The following CTNNA2 variants were observed in gnomAD, a reference collection of about 807,000 sequenced individuals.
CTNNA2 encodes the protein catenin alpha 2, also known as catenin alpha-2.
In CTNNA2, 42 loss-of-function variants were observed where a neutral mutation model predicts 101.0. That is an observed-to-expected ratio of 0.42 (90% confidence interval 0.32 to 0.54). CTNNA2 has a LOEUF of 0.54. CTNNA2 is among the 20% of genes least tolerant of loss of function. The pLI, the probability that CTNNA2 is intolerant of heterozygous loss-of-function variation, is 0.14. For missense variants in CTNNA2, 871 were observed against 1,223.1 expected, an observed-to-expected ratio of 0.71 and a Z score of 4.29; for synonymous variants, 450 against 456.4, an observed-to-expected ratio of 0.99 and a Z score of 0.18.
intron 7 of CTNNA2, among the ~76,000 whole-genome samples, chr2:80,159,672 C>T (rs1387930025): frequency 2.0e-5 from 3 of 152,216 alleles, no homozygotes; most frequent in East Asian, 1.9e-4. Context: ...TGGGATTTCA[C>T]CATGTTGGTC....
At chr2:80,600,485 C>T (rs1008217222) in intron 15 of CTNNA2, among the ~76,000 whole-genome samples, 3 of 151,770 alleles carry the variant, frequency 2.0e-5, no homozygotes, top group Non-Finnish European at 4.4e-5. Context: ...ATCTGAAGAG[C>T]TTAGATAAGC....
At chr2:80,596,366 G>T (rs1210727590) in intron 15 of CTNNA2, among the ~76,000 whole-genome samples, 2 of 126,690 alleles carry the variant, frequency 1.6e-5, no homozygotes, top group Non-Finnish European at 3.1e-5. Flanking sequence ...CTGGAGTGCA[G>T]TGGCGTGATC....
chr2:79,679,570 G>A (rs1327841908), intron 2 of CTNNA2, among the ~76,000 whole-genome samples: 1 of 151,942 alleles, frequency 6.6e-6, no homozygotes, highest in Non-Finnish European at 1.5e-5. Context: ...CCATGCTGGA[G>A]CCCCTTTCCC....
At chr2:80,451,487 TC>T (rs1683501689) in intron 9 of CTNNA2, among the ~76,000 whole-genome samples, 1 of 152,164 alleles carries the variant, frequency 6.6e-6, no homozygotes, top group Non-Finnish European at 1.5e-5. Flanking sequence ...CTCAAGGAGT[TC>T]TTTATAGCAG....
chr2:79,187,233 TC>T (rs1164067026), intron 1 of CTNNA2, among the ~76,000 whole-genome samples: 1 of 148,182 alleles, frequency 6.7e-6, no homozygotes, highest in African/African-American at 2.5e-5. Context: ...CTAAGACACT[TC>T]TTTTTCTTTT....
At chr2:80,476,805 T>G (rs1394256468) in intron 9 of CTNNA2, among the ~76,000 whole-genome samples, 1 of 152,164 alleles carries the variant, frequency 6.6e-6, no homozygotes, top group Non-Finnish European at 1.5e-5. Flanking sequence ...GAAATACAGC[T>G]AATTACATGT....
rs1166796923 is a variant in CTNNA2 at position 80,546,048 on chromosome 2, T to A, written c.1525T>A (p.Phe509Ile). 1.2e-6 allele frequency: 2 copies of A among 1,613,858 alleles called. No homozygotes were observed. Among genetic ancestry groups the A allele is most frequent in the African/African-American group, 2.7e-5 (2 of 74,938 alleles). ...AVDDITSVDD[F>I]LSVSENHILE... is the part of the protein sequence containing the mutation. The stretch of plus-strand genomic sequence containing the variant: ...GGATGACATCACCTCAGTGGATGAC[T>A]TCCTCTCTGTCTCAGGTAATCATCA... Residue 509 changes from phenylalanine (F) to isoleucine (I), a missense_variant, in exon 11 of 19, where the codon TTC becomes ATC. Around this residue, in one of 5 missense-constraint regions of CTNNA2, gnomAD observed 647 missense variants for 831.5 expected, o/e 0.78. Transcript: ENST00000402739.
intron 7 of CTNNA2, among the ~76,000 whole-genome samples, chr2:80,013,710 G>A (rs749798101): frequency 2.6e-5 from 4 of 152,146 alleles, no homozygotes; most frequent in Admixed American, 6.5e-5. Context: ...TAGAATCTGC[G>A]GGGTGATGGG....
At chr2:80,120,776 G>T (rs972658578) in intron 7 of CTNNA2, among the ~76,000 whole-genome samples, 2 of 152,172 alleles carry the variant, frequency 1.3e-5, no homozygotes, top group African/African-American at 2.4e-5. Context: ...TCTTAAGGGC[G>T]TATACCTAGA....
At chr2:79,782,426 AG>A (rs1674519290) in intron 3 of CTNNA2, among the ~76,000 whole-genome samples, 3 of 151,988 alleles carry the variant, frequency 2.0e-5, no homozygotes, top group Non-Finnish European at 2.9e-5. Flanking sequence ...TAGTAGATAC[AG>A]GGTTTCATCA....
chr2:79,285,321 T>C (rs1489572080), intron 2 of CTNNA2, among the ~76,000 whole-genome samples: 4 of 150,616 alleles, frequency 2.7e-5, no homozygotes, highest in African/African-American at 9.7e-5. Context: ...GCTCTTGCTT[T>C]TCTAGTTCCT....
At chr2:79,870,025 A>G in intron 5 of CTNNA2, 90 bp downstream of exon 5, 1 of 1,476,074 alleles carries the variant, frequency 6.8e-7, no homozygotes, top group Non-Finnish European at 9.2e-7. Context: ...GATCAACTGC[A>G]TCTGCTTGCT....
intron 7 of CTNNA2, among the ~76,000 whole-genome samples, chr2:80,283,148 T>C (rs950591974): frequency 3.3e-5 from 5 of 152,008 alleles, no homozygotes; most frequent in Non-Finnish European, 7.4e-5. Flanking sequence ...AATCATCAAA[T>C]AAATTGCAAG....
intron 1 of CTNNA2, among the ~76,000 whole-genome samples, chr2:79,186,634 T>C (rs1218277989): frequency 6.6e-6 from 1 of 152,232 alleles, no homozygotes; most frequent in East Asian, 1.9e-4. Context: ...GCCATGAGGC[T>C]GATTCCTTTC....
At chr2:79,672,617 A>G (rs2104591594) in intron 2 of CTNNA2, among the ~76,000 whole-genome samples, 1 of 152,262 alleles carries the variant, frequency 6.6e-6, no homozygotes, top group South Asian at 2.1e-4. Flanking sequence ...TAAAAGTTGA[A>G]AATCAAAAAA....
At chr2:80,644,854 G>A (rs1673895490) in intron 18 of CTNNA2, among the ~76,000 whole-genome samples, 4 of 152,122 alleles carry the variant, frequency 2.6e-5, no homozygotes, top group Admixed American at 2.6e-4. Flanking sequence ...CTCTCAAACA[G>A]TGTATTAGGT....
intron 4 of CTNNA2, among the ~76,000 whole-genome samples, chr2:79,375,833 A>G (rs1201606712): frequency 1.3e-5 from 2 of 152,158 alleles, no homozygotes; most frequent in Non-Finnish European, 2.9e-5. Context: ...ACTACAGGCC[A>G]TTTTACCCAA....
In CTNNA2 at chr2:79,243,326, A is replaced by C. The variant is rs1674658934; in HGVS notation, c.-406+45250A>C. On this transcript the variant is annotated intron_variant, in intron 2 of 21. Coordinates refer to the CTNNA2 transcript ENST00000466387. ...TCAGAGTTGTCTCAACTTGTAAAAA[A>C]AGTACTTCTTTCTAAACAGTATGTT... is the stretch of plus-strand genomic sequence containing the variant. 2.0e-5 allele frequency among the ~76,000 whole-genome samples: 3 copies of C among 152,136 alleles called. No individual in the cohort carries two copies. In the South Asian group the frequency reaches 6.2e-4, roughly 31 times the overall value.
chr2:80,499,207 T>C (rs1687687306), intron 9 of CTNNA2, among the ~76,000 whole-genome samples: 1 of 152,182 alleles, frequency 6.6e-6, no homozygotes, highest in African/African-American at 2.4e-5. Context: ...CTGGTATTTC[T>C]CAAACTGTTA....
Sources: allele counts gnomAD v4.1 joint callset (sites outside exome capture counted in the v4.1 genomes callset), GRCh38; gene constraint gnomAD v4.1.1; regional missense constraint gnomAD v4.1.1; transcripts MANE v1.5; gene names NCBI Gene and HGNC (gene_info 2026-07-23, HGNC 2026-07-21).